TET3: variants seen among roughly 807,000 people sequenced by gnomAD.
TET3 encodes methylcytosine dioxygenase TET3.
In TET3, 19 loss-of-function variants were observed where a neutral mutation model predicts 141.4. The observed-to-expected ratio is 0.13, with a 90% CI of 0.09 to 0.20. TET3 has a LOEUF of 0.20. Among genes scored for constraint, TET3 ranks in the 10% least tolerant of loss-of-function variants. TET3 has a pLI of 1.00. For synonymous variants in TET3, 1,043 were observed against 980.9 expected (o/e 1.06, Z -1.18); for missense variants, 1,874 against 2,356.9 (o/e 0.80, Z 4.24).
chr2:74,008,696 G>A (rs1685270007), intron 3 of TET3, among the ~76,000 whole-genome samples: 1 of 151,272 alleles, frequency 6.6e-6, no homozygotes, highest in Non-Finnish European at 1.5e-5. Flanking sequence ...CTAAAGATTA[G>A]ACAAAAAGTA....
chr2:74,108,803 G>T (rs116703989), downstream of TET3, among the ~76,000 whole-genome samples: 518 of 152,300 alleles, frequency 3.4e-3, no homozygotes, highest in African/African-American at 0.012. Flanking sequence ...AATTGATCCA[G>T]TGTCTTTGAG....
intron 3 of TET3, among the ~76,000 whole-genome samples, chr2:74,044,172 T>A (rs1298729229): frequency 6.6e-6 from 1 of 152,168 alleles, no homozygotes; most frequent in African/African-American, 2.4e-5. Context: ...ATCATGCCAC[T>A]GAACTCCAGC....
intron 6 of TET3, among the ~76,000 whole-genome samples, chr2:74,083,688 T>A (rs1456442698): frequency 2.0e-5 from 3 of 152,182 alleles, no homozygotes; most frequent in Non-Finnish European, 4.4e-5. Context: ...TCCTCTGTGC[T>A]GTTTTCTTAG....
chr2:74,044,499 G>A (rs1370038037), intron 3 of TET3, among the ~76,000 whole-genome samples: 2 of 152,126 alleles, frequency 1.3e-5, no homozygotes, highest in African/African-American at 4.8e-5. Flanking sequence ...TGAAAGTATT[G>A]TAAGTCAAAA....
intron 2 of TET3, among the ~76,000 whole-genome samples, chr2:73,989,938 C>T (rs1246644012): frequency 6.6e-6 from 1 of 152,046 alleles, no homozygotes; most frequent in African/African-American, 2.4e-5. Context: ...TGGGAGTAAC[C>T]CTGCTTTGTA....
chr2:74,082,262 G>C (rs927602111), intron 6 of TET3, among the ~76,000 whole-genome samples: 14 of 152,168 alleles, frequency 9.2e-5, no homozygotes, highest in Non-Finnish European at 1.9e-4. Flanking sequence ...GGGCTCGTGT[G>C]GCCCCACTGA....
Position 74,047,704 on chromosome 2 carries a change from C to T in TET3, c.1787C>T (p.Ala596Val). 1.2e-6 allele frequency: 2 copies of T among 1,613,388 alleles called. No individual in the cohort carries two copies. Among genetic ancestry groups the T allele is most frequent in the Non-Finnish European group, 1.7e-6 (2 of 1,179,656 alleles). Residue 596 changes from alanine to valine, a missense_variant, in exon 4 of 12, where the codon GCC (alanine) becomes GTC (valine). Transcript: ENST00000409262. ...AGGPVGTEKAAPGIKPSVRKP... is the reference protein window; with the variant it reads ...AGGPVGTEKAVPGIKPSVRKP... Reference sequence around the variant, plus strand: ...GGTCCCGTGGGAACGGAGAAAGCTGCCCCTGGGATCAAGCCCAGTGTCCGA... The same window carrying T: ...GGTCCCGTGGGAACGGAGAAAGCTGTCCCTGGGATCAAGCCCAGTGTCCGA...
intron 4 of TET3, among the ~76,000 whole-genome samples, chr2:74,055,025 A>G (rs1472978430): frequency 6.6e-6 from 1 of 152,050 alleles, no homozygotes; most frequent in East Asian, 1.9e-4. Context: ...CCTCCCAAGT[A>G]GCCAGGACTA....
intron 10 of TET3, among the ~76,000 whole-genome samples, chr2:74,096,566 T>G (rs1241441407): frequency 6.8e-6 from 1 of 146,378 alleles, no homozygotes; most frequent in South Asian, 2.2e-4. Context: ...CAGGAGTTTG[T>G]GACCAGCCTG....
chr2:74,062,875 G>A (rs1367183352), intron 4 of TET3, among the ~76,000 whole-genome samples: 1 of 147,716 alleles, frequency 6.8e-6, no homozygotes, highest in Admixed American at 6.8e-5. Flanking sequence ...TTAAGTTCAG[G>A]TGAAACTTTT....
chr2:74,083,876 C>T (rs764501939), intron 6 of TET3, among the ~76,000 whole-genome samples: 23 of 152,250 alleles, frequency 1.5e-4, no homozygotes, highest in Non-Finnish European at 2.6e-4. Flanking sequence ...TGATTGGCTG[C>T]GTTCCCCCTG....
At chr2:74,081,632 C>T (rs1337095619) in intron 6 of TET3, among the ~76,000 whole-genome samples, 4 of 152,106 alleles carry the variant, frequency 2.6e-5, no homozygotes, top group Non-Finnish European at 2.9e-5. Flanking sequence ...TGGACAGACC[C>T]GTGGCTGACT....
chr2:74,025,305 T>C (rs1172439287), intron 3 of TET3, among the ~76,000 whole-genome samples: 1 of 151,476 alleles, frequency 6.6e-6, no homozygotes, highest in East Asian at 2.0e-4. Flanking sequence ...GTTTTTTTTT[T>C]TGAGATGGAG....
At chr2:74,064,875 T>C (rs908640073) in intron 4 of TET3, among the ~76,000 whole-genome samples, 3 of 152,236 alleles carry the variant, frequency 2.0e-5, no homozygotes, top group Non-Finnish European at 4.4e-5. Context: ...TTATCTGTTA[T>C]CAGTAAGACT....
intron 3 of TET3, among the ~76,000 whole-genome samples, chr2:74,011,564 C>T (rs1219709633): frequency 6.6e-6 from 1 of 152,200 alleles, no homozygotes; most frequent in Non-Finnish European, 1.5e-5. Context: ...AGGGTAGGGG[C>T]ACCCTTCCAG....
In TET3 at chr2:74,087,705, A is replaced by G; in HGVS notation, c.2680-125A>G. The G allele has an allele frequency of 4.7e-6, 4 of 847,952 alleles. No individual in the cohort carries two copies. In the South Asian group the frequency reaches 7.9e-5, roughly 17 times the overall value. 52.5% of individuals were successfully genotyped at this position (847,952 alleles called of 1,614,324 possible). A position where few individuals can be genotyped will look rare whatever the true frequency, so the allele number is the denominator to read the frequency against. On this transcript the variant is annotated intron_variant, in intron 6 of 11. Transcript: ENST00000409262. The surrounding 1 kb of genome is among the most constrained non-coding windows in gnomAD (Gnocchi z 4.3). ...CTTGTAAGGTTGCTGTCTTCAGGGC[A>G]TGACATCCCTAGAACCCTGCCGTTA...
chr2:74,056,542 GA>G (rs1553426471), intron 4 of TET3, among the ~76,000 whole-genome samples: 15 of 151,776 alleles, frequency 9.9e-5, no homozygotes, highest in South Asian at 4.2e-4. Context: ...GAAAGGGGGG[GA>G]AAAAAAGAAC....
chr2:73,988,492 G>C (rs1363776558), intron 2 of TET3, among the ~76,000 whole-genome samples: 1 of 152,184 alleles, frequency 6.6e-6, no homozygotes, highest in African/African-American at 2.4e-5. Flanking sequence ...AAAGGGGCTG[G>C]GAGTGAGGCC....
chr2:74,096,954 G>A (rs1156365186), intron 10 of TET3, among the ~76,000 whole-genome samples: 1 of 151,372 alleles, frequency 6.6e-6, no homozygotes, highest in African/African-American at 2.4e-5. Context: ...TTTGCTGGGC[G>A]TGGTTGTGCA....
Sources: gnomAD v4.1 joint callset for allele counts (sites outside exome capture counted in the v4.1 genomes callset) on GRCh38, gnomAD v4.1.1 for gene constraint, Gnocchi (gnomAD v3.1) non-coding constraint, MANE v1.5 for transcripts, NCBI Gene and HGNC (gene_info 2026-07-23, HGNC 2026-07-21) for gene names.